The following USP37 variants were observed in gnomAD, a reference collection of about 807,000 sequenced individuals.
The protein encoded by USP37 is ubiquitin specific peptidase 37.
A neutral mutation model predicts 124.0 loss-of-function variants in USP37; 27 were observed. The ratio of observed to expected loss-of-function variants is 0.22; its 90% CI spans 0.16 to 0.30. USP37 has a LOEUF of 0.30. Among genes scored for constraint, USP37 ranks in the 10% least tolerant of loss-of-function variants. The pLI is 1.00. For missense variants in USP37, 889 were observed against 1,140.4 expected (o/e 0.78, Z 3.17); for synonymous variants, 365 against 388.0 (o/e 0.94, Z 0.70).
chr2:218,521,875 G>A (rs536107868), intron 10 of USP37, among the ~76,000 whole-genome samples: 12 of 152,080 alleles, frequency 7.9e-5, no homozygotes, highest in South Asian at 6.2e-4. Context: ...ACCACTTAAC[G>A]TTGTCTTTTC....
At chr2:218,479,453 G>A (rs1036944794) in intron 18 of USP37, among the ~76,000 whole-genome samples, 197 bp downstream of exon 18, 1 of 152,132 alleles carries the variant, frequency 6.6e-6, no homozygotes, top group African/African-American at 2.4e-5. Flanking sequence ...AGCTAACCTT[G>A]TGTCACTGAT....
chr2:218,549,626 G>C (rs1316190665), intron 6 of USP37, among the ~76,000 whole-genome samples, 183 bp downstream of exon 6: 1 of 152,006 alleles, frequency 6.6e-6, no homozygotes, highest in East Asian at 1.9e-4. Flanking sequence ...CACCACGCCT[G>C]GCTAATTTTT....
In USP37 at chr2:218,504,732, G is replaced by C. The variant is rs376748787; in HGVS notation, c.1025+5247C>G. 1.1e-4 allele frequency among the ~76,000 whole-genome samples: 16 copies of C among 152,128 alleles called. No individual in the cohort carries two copies. The East Asian group carries it at 3.1e-3, about 29-fold the overall frequency. On this transcript the variant is annotated intron_variant, in intron 11 of 25. Coordinates refer to ENST00000258399, the MANE Select transcript of USP37 (RefSeq NM_020935.3). ...TTACAGATGTGGGCCACTGTGCCTG[G>C]CCTAGCCTGCTCATTTTATTTATTT...
At chr2:218,534,764 T>C in intron 8 of USP37, 58 bp from the exon 9 acceptor site, 2 of 1,122,900 alleles carry the variant, frequency 1.8e-6, no homozygotes, top group Admixed American at 5.4e-5. Flanking sequence ...TTGTTCTTAA[T>C]TTTAAATAGT....
chr2:218,553,782 T>A, intron 4 of USP37, 58 bp from the exon 5 acceptor site: 1 of 1,485,944 alleles, frequency 6.7e-7, no homozygotes, highest in South Asian at 1.3e-5. Context: ...AGTATAACAA[T>A]CTGTATAATA....
chr2:218,539,118 T>C (rs935557553), intron 8 of USP37, among the ~76,000 whole-genome samples: 7 of 151,790 alleles, frequency 4.6e-5, no homozygotes, highest in African/African-American at 1.7e-4. Context: ...CAGGCACATA[T>C]CACCACACCC....
chr2:218,479,737 T>C (rs928371626), intron 17 of USP37, 22 bp from the exon 18 acceptor site: 10 of 1,461,308 alleles, frequency 6.8e-6, no homozygotes, highest in Non-Finnish European at 9.3e-6. Context: ...TTAGAAAATA[T>C]ATAATGTATA....
intron 22 of USP37, 111 bp downstream of exon 22, chr2:218,463,175 AACACACACACACACACACAC>A (rs3835979): frequency 0.25 from 134,175 of 528,164 alleles, 12,587 homozygotes; most frequent in Admixed American, 0.29. Flanking sequence ...CCCCACAATA[AACACACACACACACACACAC>A]ACACACACAC....
intron 8 of USP37, among the ~76,000 whole-genome samples, chr2:218,534,944 G>A (rs923542060): frequency 6.6e-6 from 1 of 152,108 alleles, no homozygotes. Flanking sequence ...TGATAACTTA[G>A]CAAAAGTAAA....
chr2:218,463,595 G>A, intron 21 of USP37, among the ~76,000 whole-genome samples: 1 of 148,304 alleles, frequency 6.7e-6, no homozygotes, highest in Non-Finnish European at 1.5e-5. Context: ...GAGTGCAGTG[G>A]TGTGATCTCG....
intron 10 of USP37, among the ~76,000 whole-genome samples, chr2:218,519,490 C>T (rs536412694): frequency 8.7e-4 from 133 of 152,088 alleles, no homozygotes; most frequent in Non-Finnish European, 1.3e-3. Flanking sequence ...CTCTATTGTC[C>T]TTCTAGACTC....
intron 10 of USP37, among the ~76,000 whole-genome samples, chr2:218,529,710 C>A (rs1159592869): frequency 2.0e-5 from 3 of 152,022 alleles, no homozygotes; most frequent in African/African-American, 7.3e-5. Flanking sequence ...CAGCCTTGAT[C>A]TCCAAGGCTC....
At chr2:218,529,477 C>CAAA (rs71403049) in intron 10 of USP37, among the ~76,000 whole-genome samples, 6 of 112,502 alleles carry the variant, frequency 5.3e-5, no homozygotes, top group African/African-American at 9.1e-5. Context: ...TGGTCTCAAA[C>CAAA]AAAAAAAAAA....
At chr2:218,459,346 AGGCGT>A (rs1392947409) in intron 23 of USP37, among the ~76,000 whole-genome samples, 1 of 152,190 alleles carries the variant, frequency 6.6e-6, no homozygotes, top group Admixed American at 6.5e-5. Context: ...CTGGGATTAC[AGGCGT>A]GTGCCACCAC....
intron 10 of USP37, among the ~76,000 whole-genome samples, chr2:218,523,161 GCTGAGGCAGGAGAAT>G (rs1690761753): frequency 6.6e-6 from 1 of 152,158 alleles, no homozygotes. Context: ...TACTTGGGAG[GCTGAGGCAGGAGAAT>G]CGCTTGAACC....
At chr2:218,493,669 C>T (rs1032849319) in intron 14 of USP37, among the ~76,000 whole-genome samples, 29 of 152,122 alleles carry the variant, frequency 1.9e-4, no homozygotes, top group African/African-American at 5.3e-4. Flanking sequence ...TGGGGTTTCA[C>T]CATGTTGGCC....
rs1348121310 is a variant in USP37, at chr2:218,505,453, C to T, written c.1025+4526G>A. Among the ~76,000 whole-genome samples the T allele has an allele frequency of 5.3e-5, 8 of 152,190 alleles. No homozygotes were observed. The East Asian group carries it at 9.6e-4, about 18-fold the overall frequency. ...TCCAGTTACTCTTGGACGCATGAAG[C>T]TCATTTTCTGTAGAGTCCTCAGGAA... On this transcript the variant is annotated intron_variant, in intron 11 of 25. Coordinates refer to ENST00000258399, the MANE Select transcript of USP37 (RefSeq NM_020935.3).
chr2:218,486,247 T>C (rs557725718), intron 15 of USP37: 3 of 152,438 alleles, frequency 2.0e-5, no homozygotes, highest in Admixed American at 6.5e-5. Context: ...GTGAATACCA[T>C]TACCTAGAGA....
chr2:218,523,195 G>A (rs971083481), intron 10 of USP37, among the ~76,000 whole-genome samples: 20 of 152,188 alleles, frequency 1.3e-4, no homozygotes, highest in East Asian at 5.8e-4. Context: ...CCCGGGAAGC[G>A]GAGGTTGCAG....
Sources: gnomAD v4.1 joint callset for allele counts (sites outside exome capture counted in the v4.1 genomes callset) on GRCh38, gnomAD v4.1.1 for gene constraint, MANE v1.5 for transcripts, NCBI Gene and HGNC (gene_info 2026-07-23, HGNC 2026-07-21) for gene names.